DMBT1: variants seen among roughly 807,000 people sequenced by gnomAD.
DMBT1 encodes scavenger receptor cysteine-rich domain-containing protein DMBT1.
DMBT1 carries 198 observed loss-of-function variants against 252.9 expected under a neutral mutation model. The ratio of observed to expected loss-of-function variants is 0.78; its 90% CI spans 0.70 to 0.88. The LOEUF (loss-of-function observed/expected upper bound fraction) is 0.88. Ranked by LOEUF, DMBT1 falls within the 40% of genes least tolerant of loss-of-function variation. The probability of loss-of-function intolerance (pLI) is 0.00; values close to 1 mark genes in which losing one functional copy is unlikely to be tolerated. For synonymous variants in DMBT1, 990 were observed against 942.7 expected, an observed-to-expected ratio of 1.05 and a Z score of -0.92; for missense variants, 2,432 against 2,404.7, an observed-to-expected ratio of 1.01 and a Z score of -0.24.
chr10:122,564,971 T>C (rs1030705961), intron 1 of DMBT1, among the ~76,000 whole-genome samples: 1 of 152,134 alleles, frequency 6.6e-6, no homozygotes, highest in African/African-American at 2.4e-5. Context: ...AATGAAAAAA[T>C]TTGAATTTTT....
At chr10:122,578,869 A>G (rs1003491140) in intron 9 of DMBT1, 110 bp downstream of exon 9, 3 of 1,129,366 alleles carry the variant, frequency 2.7e-6, no homozygotes, top group South Asian at 1.3e-5. Context: ...AAGTGGGCTA[A>G]GCGTGGGAGG....
chr10:122,617,890 T>G, intron 40 of DMBT1, 127 bp from the exon 41 acceptor site: 1 of 1,480,468 alleles, frequency 6.8e-7, no homozygotes, highest in Non-Finnish European at 9.2e-7. Context: ...CCGGTAGCAG[T>G]TGTATGCAAT....
At chr10:122,577,923 T>C in intron 8 of DMBT1, 83 bp downstream of exon 8, 7 of 1,458,356 alleles carry the variant, frequency 4.8e-6, no homozygotes. Context: ...GCCCTCCTGC[T>C]TCTCTGCAGA....
rs1247977519 is a variant in DMBT1 at position 122,636,009 on chromosome 10, C to A, written c.6567C>A (p.Asn2189Lys). ...FRDVQLEGGC[N>K]YDYIEVFDGP... is the part of the protein sequence containing the mutation. ...TCTGCAGGCTTGAAGGTGGCTGCAA[C>A]TATGATTATATTGAAGTTTTCGATG... Residue 2189 changes from asparagine to lysine, a missense_variant, in exon 53 of 56, where the codon AAC (asparagine) becomes AAA (lysine). Around this residue, in one of 3 missense-constraint regions of DMBT1, gnomAD observed 1,162 missense variants for 1,169.0 expected, o/e 0.99. Coordinates refer to ENST00000338354, the MANE Select transcript of DMBT1 (RefSeq NM_001377530.1). The A allele has an allele frequency of 6.2e-7, 1 of 1,613,856 alleles. No individual in the cohort carries two copies. Among genetic ancestry groups the A allele is most frequent in the Non-Finnish European group, 8.5e-7 (1 of 1,179,892 alleles).
At chr10:122,638,506 A>C (rs113062341) in intron 54 of DMBT1, among the ~76,000 whole-genome samples, 1 of 152,314 alleles carries the variant, frequency 6.6e-6, no homozygotes, top group South Asian at 2.1e-4. Flanking sequence ...GCAGGGGTGC[A>C]TCATAGCTCA....
chr10:122,600,954 A>T (rs1342179795), intron 27 of DMBT1, 37 bp from the exon 28 acceptor site: 1 of 706,534 alleles, frequency 1.4e-6, no homozygotes, highest in Admixed American at 2.1e-5. Context: ...TTTCCCTTCA[A>T]GTCTAATTCT....
Position 122,592,496 on chromosome 10 carries a change from C to G in DMBT1, c.2401C>G (p.Arg801Gly). The change falls in exon 20 of 56, where the codon CGC (arginine) becomes GGC (glycine). Residue 801 changes from arginine (R) to glycine (G), a missense_variant. By Grantham distance (125) the Arg-to-Gly change is moderately radical. Transcript: ENST00000338354. ...AGGACCCATTGTTCTGGATGATGTG[C>G]GCTGCTCAGGACACGAGTCCTACCT... ...GSGPIVLDDVRCSGHESYLWS... is the reference protein window; with the variant it reads ...GSGPIVLDDVGCSGHESYLWS... 1.3e-6 allele frequency: 2 copies of G among 1,587,964 alleles called. No homozygotes were observed. The highest frequency in any genetic ancestry group is 1.7e-6 in the Non-Finnish European group (2 of 1,165,486).
chr10:122,590,567 G>A, intron 17 of DMBT1, 98 bp from the exon 18 acceptor site: 2 of 1,394,138 alleles, frequency 1.4e-6, no homozygotes, highest in Non-Finnish European at 2.0e-6. Flanking sequence ...GGGACATAGG[G>A]TGGACTGAAG....
intron 43 of DMBT1, among the ~76,000 whole-genome samples, chr10:122,620,733 G>A (rs1457066671): frequency 1.3e-5 from 2 of 152,226 alleles, no homozygotes; most frequent in East Asian, 1.9e-4. Flanking sequence ...ACGTGAGGCA[G>A]GTCTTGGCCT....
Position 122,585,353 on chromosome 10 carries a change from C to T in DMBT1, c.1459+44C>T, listed in dbSNP as rs780191053. The stretch of plus-strand genomic sequence containing the variant: ...CCTCCCTAGGGCTCACTCTCTACCT[C>T]TGGACAAATGTTTTTTTCTGAAATG... On this transcript the variant is annotated intron_variant, in intron 15 of 55. Transcript: ENST00000338354. 7 of 1,566,242 alleles carry T rather than the reference C, an allele frequency of 4.5e-6. No individual in the cohort carries two copies. The African/African-American group carries it at 6.7e-5, about 15-fold the overall frequency.
In DMBT1 at chr10:122,643,420, T is replaced by C. The variant is rs753582329; in HGVS notation, c.*22T>C. 5 of 1,599,770 alleles carry C rather than the reference T, an allele frequency of 3.1e-6. No individual in the cohort carries two copies. In the Admixed American group the frequency reaches 8.6e-5, roughly 27 times the overall value. On this transcript the variant is annotated 3_prime_UTR_variant, in exon 56 of 56. Coordinates refer to ENST00000338354, the MANE Select transcript of DMBT1 (RefSeq NM_001377530.1). The stretch of plus-strand genomic sequence containing the variant: ...GTAGGTGGTCGCTCTCAGACCCCAC[T>C]GTCCACCGGGGCGCAGACCCCTGAC...
chr10:122,561,838 C>T (rs1044843253), intron 1 of DMBT1, among the ~76,000 whole-genome samples: 1 of 151,514 alleles, frequency 6.6e-6, no homozygotes, highest in African/African-American at 2.4e-5. Context: ...CTCCCTCCTC[C>T]TCCTTCTCTG....
At chr10:122,592,716 C>G (rs141445571) in intron 20 of DMBT1, 121 bp downstream of exon 20, 1 of 1,475,354 alleles carries the variant, frequency 6.8e-7, no homozygotes, top group East Asian at 2.5e-5. Context: ...TTTATGTAGT[C>G]TTGTTAGCTC....
At position 122,617,296 on chromosome 10, in the gene DMBT1, A is replaced by G. The variant is rs2277246; in HGVS notation, c.4891+36A>G. 1.1e-3 allele frequency: 1,730 copies of G among 1,596,292 alleles called. 12 individuals carry two copies. The highest frequency in any genetic ancestry group is 2.7e-3 in the Middle Eastern group (16 of 5,996). On this transcript the variant is annotated intron_variant, in intron 40 of 55. Transcript: ENST00000338354. ...CTCTCACCCCTCCCTAGGGCTCACTATCTCTGGACATATTTTGTGTTTGAA... is the reference window on the plus strand; with the variant it reads ...CTCTCACCCCTCCCTAGGGCTCACTGTCTCTGGACATATTTTGTGTTTGAA...
At chr10:122,628,814 G>A (rs1373385258) in intron 46 of DMBT1, among the ~76,000 whole-genome samples, 26 of 152,162 alleles carry the variant, frequency 1.7e-4, no homozygotes, top group Non-Finnish European at 1.5e-5. Context: ...TGGGTGCCAG[G>A]AATGGAGGGT....
intron 2 of DMBT1, among the ~76,000 whole-genome samples, chr10:122,566,738 T>C (rs1204293303): frequency 6.6e-6 from 1 of 152,216 alleles, no homozygotes; most frequent in Non-Finnish European, 1.5e-5. Context: ...AAAAAATACT[T>C]AAAATACCAC....
In DMBT1 at chr10:122,632,847, C is replaced by G; in HGVS notation, c.6368-14C>G. 2 of 1,613,552 alleles carry G rather than the reference C, an allele frequency of 1.2e-6. No homozygotes were observed. Among genetic ancestry groups the G allele is most frequent in the Non-Finnish European group, 1.7e-6 (2 of 1,179,728 alleles). The stretch of plus-strand genomic sequence containing the variant: ...GCCAGAAAACTGATCCTGATCTTTT[C>G]TTTTTGTCAACAGCTCCTTTTCTCA... On this transcript the variant is annotated splice_polypyrimidine_tract_variant and intron_variant, in intron 50 of 55. Transcript: ENST00000338354.
intron 22 of DMBT1, 89 bp downstream of exon 22, chr10:122,594,617 TTC>T: frequency 1.0e-5 from 2 of 199,140 alleles, no homozygotes; most frequent in Non-Finnish European, 9.2e-6. Context: ...CAATGTGGGC[TTC>T]TCTGTTTTCA....
intron 25 of DMBT1, 91 bp downstream of exon 25, chr10:122,598,103 G>T (rs2097901348): frequency 6.3e-7 from 1 of 1,582,580 alleles, no homozygotes; most frequent in Non-Finnish European, 8.7e-7. Flanking sequence ...GTCAAGGTGG[G>T]CCCCTCTCTT....
Sources: allele counts gnomAD v4.1 joint callset (sites outside exome capture counted in the v4.1 genomes callset), GRCh38; gene constraint gnomAD v4.1.1; regional missense constraint gnomAD v4.1.1; transcripts MANE v1.5; gene names NCBI Gene and HGNC (gene_info 2026-07-23, HGNC 2026-07-21).